Variants in ORC3 observed in about 807,000 individuals in gnomAD.
ORC3 encodes the protein homolog of latheo, Drosophila.
In ORC3, 78 loss-of-function variants were observed where a neutral mutation model predicts 100.7. That is an observed-to-expected ratio of 0.77 (90% CI 0.65 to 0.94). The LOEUF (loss-of-function observed/expected upper bound fraction) is 0.94, where lower values mean the gene tolerates loss of function less well. Among genes scored for constraint, ORC3 ranks in the 40% least tolerant of loss-of-function variants. The probability of loss-of-function intolerance (pLI) is 0.00; values close to 1 mark genes in which losing one functional copy is unlikely to be tolerated. For synonymous variants in ORC3, 295 were observed against 289.3 expected (o/e 1.02, Z -0.20); for missense variants, 789 against 823.9 (o/e 0.96, Z 0.52).
Position 87,667,311 on chromosome 6 carries a change from T to C in ORC3, c.*188T>C, listed in dbSNP as rs149980633. On this transcript the variant is annotated 3_prime_UTR_variant, in exon 20 of 20. Coordinates refer to ENST00000392844, the MANE Select transcript of ORC3 (RefSeq NM_012381.4). ...GTATCAAAACACCTGTGGAGTACTT[T>C]AGACTCCAACAAATAATAATGTAAC... The C allele has an allele frequency of 8.7e-6, 4 of 457,710 alleles. No individual in the cohort carries two copies. Among genetic ancestry groups the C allele is most frequent in the East Asian group, 3.4e-5 (1 of 29,744 alleles). The allele number at this position is 457,710 out of a possible 1,614,324, so 28.4% of individuals were successfully genotyped here. A position where few individuals can be genotyped will look rare whatever the true frequency, so the allele number is the denominator to read the frequency against.
At chr6:87,601,376 T>TA (rs1185062028) in intron 2 of ORC3, among the ~76,000 whole-genome samples, 1 of 151,914 alleles carries the variant, frequency 6.6e-6, no homozygotes, top group East Asian at 1.9e-4. Flanking sequence ...TTGATGAATG[T>TA]AAAAAAAATT....
Position 87,613,306 on chromosome 6 carries a change from A to T in ORC3, c.873+1058A>T, listed in dbSNP as rs577695224. 5.9e-5 allele frequency among the ~76,000 whole-genome samples: 9 copies of T among 152,298 alleles called. No individual in the cohort carries two copies. In the South Asian group the frequency reaches 1.9e-3, roughly 32 times the overall value. ...AAAACCATCAGATCTCATGAGACTT[A>T]TTCACTATCATGAGAACAGCACAGG... is the stretch of plus-strand genomic sequence containing the variant. On this transcript the variant is annotated intron_variant, in intron 8 of 19. Coordinates refer to ENST00000392844, the MANE Select transcript of ORC3 (RefSeq NM_012381.4).
Position 87,665,754 on chromosome 6 carries a change from G to T in ORC3, c.1951G>T (p.Ala651Ser), listed in dbSNP as rs374112561. The T allele has an allele frequency of 1.0e-5, 16 of 1,603,086 alleles. No homozygotes were observed. Among genetic ancestry groups the T allele is most frequent in the Non-Finnish European group, 1.4e-5 (16 of 1,170,818 alleles). The change falls in exon 19 of 20, where the codon GCT (alanine) becomes TCT (serine). Residue 651 changes from alanine (A) to serine (S), a missense_variant and splice_region_variant. By Grantham distance (99) the Ala-to-Ser change is moderately conservative (BLOSUM62 1). Coordinates refer to ENST00000392844, the MANE Select transcript of ORC3 (RefSeq NM_012381.4). ...RLINLVDWSE[A>S]FATVVTAAEK... is the part of the protein sequence containing the mutation. The stretch of plus-strand genomic sequence containing the variant: ...TTCTTCTGTCTTGTCTATTCAAAAG[G>T]CTTTTGCAACAGTTGTGACAGCTGC...
At chr6:87,677,753 T>C in the ORC3 span, 1 of 1,534,178 alleles carries the variant, frequency 6.5e-7, no homozygotes. Context: ...GAAATTAAAG[T>C]ACACGTGGAA....
chr6:87,652,741 C>T (rs1769376153), intron 13 of ORC3, among the ~76,000 whole-genome samples: 1 of 152,176 alleles, frequency 6.6e-6, no homozygotes, highest in Non-Finnish European at 1.5e-5. Flanking sequence ...TCCACTGCTT[C>T]TTCTCATTTA....
At chr6:87,638,630 C>T (rs557454080) in intron 13 of ORC3, among the ~76,000 whole-genome samples, 2 of 152,218 alleles carry the variant, frequency 1.3e-5, no homozygotes, top group East Asian at 3.9e-4. Flanking sequence ...ATTTGAAACA[C>T]TTCAAATTTC....
intron 11 of ORC3, among the ~76,000 whole-genome samples, chr6:87,625,158 G>A (rs1010020261): frequency 2.0e-5 from 3 of 152,166 alleles, no homozygotes; most frequent in African/African-American, 7.2e-5. Flanking sequence ...ATAAACACAC[G>A]TGTGCATGTG....
chr6:87,656,960 C>T lies in ORC3; in HGVS notation c.1571C>T (p.Thr524Ile). 6.2e-7 allele frequency: 1 copy of T among 1,611,660 alleles called. No homozygotes were observed. Reference sequence around the variant, plus strand: ...TCACAGCCAAAGGGGCTTCAGAAGACAGACCTCTATCATCTTCAGAAGGTC... The same window carrying T: ...TCACAGCCAAAGGGGCTTCAGAAGATAGACCTCTATCATCTTCAGAAGGTC... The part of the protein sequence containing the change: ...SGSQPKGLQK[T>I]DLYHLQKSLL... Residue 524 changes from threonine to isoleucine, a missense_variant, in exon 15 of 20, where the codon ACA becomes ATA. By Grantham distance (89) the Thr-to-Ile change is moderately conservative. This residue lies in a region of ORC3 where 366 missense variants were observed against 394.2 expected (regional missense o/e 0.93). Transcript: ENST00000392844.
At chr6:87,665,057 C>G (rs1442789865) in intron 18 of ORC3, among the ~76,000 whole-genome samples, 198 bp downstream of exon 18, 2 of 152,190 alleles carry the variant, frequency 1.3e-5, no homozygotes, top group Non-Finnish European at 2.9e-5. Context: ...CTCCCAATCC[C>G]CTGCCCTCTG....
At chr6:87,631,043 ATTTT>A (rs11414874) in intron 11 of ORC3, among the ~76,000 whole-genome samples, 1 of 136,562 alleles carries the variant, frequency 7.3e-6, no homozygotes, top group African/African-American at 2.8e-5. Context: ...GCTAATTTAA[ATTTT>A]TTTTTTTTTT....
the ORC3 span, chr6:87,676,030 A>G: frequency 4.1e-6 from 4 of 981,686 alleles, no homozygotes; most frequent in Non-Finnish European, 3.1e-6. Flanking sequence ...TTCTAAGTTG[A>G]CAAAATCACT....
intron 13 of ORC3, among the ~76,000 whole-genome samples, chr6:87,641,196 G>A (rs1262769175): frequency 1.3e-5 from 2 of 152,158 alleles, no homozygotes; most frequent in South Asian, 2.1e-4. Context: ...ACCAGTAGCA[G>A]TGGATTCTTG....
At position 87,641,108 on chromosome 6, in the gene ORC3, C is replaced by CA. The variant is rs962295895; in HGVS notation, c.1382+4636dup. On this transcript the variant is annotated intron_variant, in intron 13 of 19. Coordinates refer to ENST00000392844, the MANE Select transcript of ORC3 (RefSeq NM_012381.4). ...TGGGCAACCAAGTGAGACTCCATCT[C>CA]AAAAAAAAAAAAAATCAGAGCCTCA... 3.6e-3 allele frequency among the ~76,000 whole-genome samples: 465 copies of CA among 127,520 alleles called. 1 individual carries two copies. Among genetic ancestry groups the CA allele is most frequent in the African/African-American group, 5.1e-3 (176 of 34,450 alleles). 83.7% of individuals were successfully genotyped at this position (127,520 alleles called of 152,430 possible).
chr6:87,596,549 A>G (rs1490364328), intron 2 of ORC3, among the ~76,000 whole-genome samples: 1 of 151,990 alleles, frequency 6.6e-6, no homozygotes, highest in African/African-American at 2.4e-5. Flanking sequence ...GCAAGAGGGA[A>G]CTTTCTGGAG....
chr6:87,602,983 A>ATATATATATATATATATATATG (rs1778074551), intron 3 of ORC3, among the ~76,000 whole-genome samples: 1 of 114,436 alleles, frequency 8.7e-6, no homozygotes, highest in South Asian at 2.6e-4. Context: ...ATATATATAT[A>ATATATATATATATATATATATG]CAATTTTTTT....
chr6:87,639,724 A>G (rs1278612890), intron 13 of ORC3, among the ~76,000 whole-genome samples: 2 of 151,906 alleles, frequency 1.3e-5, no homozygotes, highest in African/African-American at 4.8e-5. Context: ...TTACGCCTGT[A>G]ATCCCAGCAC....
intron 1 of ORC3, among the ~76,000 whole-genome samples, chr6:87,593,031 T>C (rs1047051560): frequency 2.6e-5 from 4 of 152,002 alleles, no homozygotes; most frequent in African/African-American, 9.7e-5. Flanking sequence ...AGGCAAAGGT[T>C]GCAGTGAGCC....
intron 13 of ORC3, among the ~76,000 whole-genome samples, chr6:87,646,162 A>G (rs1768770656): frequency 6.6e-6 from 1 of 150,920 alleles, no homozygotes; most frequent in Non-Finnish European, 1.5e-5. Context: ...AATTTTTTCT[A>G]TTTTTAGTAG....
In ORC3 at chr6:87,607,740, A is replaced by G; in HGVS notation, c.495A>G (p.Lys165=). The G allele has an allele frequency of 8.1e-6, 13 of 1,612,284 alleles. No homozygotes were observed. Among genetic ancestry groups the G allele is most frequent in the Non-Finnish European group, 1.1e-5 (13 of 1,178,762 alleles). The change falls in exon 6 of 20, where the codon AAA becomes AAG. Residue 165 remains lysine (K), a synonymous_variant. Coordinates refer to ENST00000392844, the MANE Select transcript of ORC3 (RefSeq NM_012381.4). ...ACTGCTGTGTAGATATAAAATCCAA[A>G]GAGGAGGAAAGTGTTCACGTCACCC... The part of the protein sequence containing the change: ...LMDCCVDIKS[K]EEESVHVTQR...
Sources: allele counts gnomAD v4.1 joint callset (sites outside exome capture counted in the v4.1 genomes callset), GRCh38; gene constraint gnomAD v4.1.1; regional missense constraint gnomAD v4.1.1; transcripts MANE v1.5; gene names NCBI Gene and HGNC (gene_info 2026-07-23, HGNC 2026-07-21).